GMFB: variants seen among roughly 807,000 people sequenced by gnomAD.
The protein encoded by GMFB is glia maturation factor beta, also known as GMF-beta.
A neutral mutation model predicts 25.6 loss-of-function variants in GMFB; 13 were observed. The observed-to-expected ratio is 0.51, with a 90% CI of 0.33 to 0.81. The LOEUF is 0.81. GMFB is among the 30% of genes least tolerant of loss of function. The pLI is 0.02. For synonymous variants in GMFB, 57 were observed against 56.9 expected (o/e 1.00, Z 0.00); for missense variants, 146 against 175.4 (o/e 0.83, Z 0.95).
At chr14:54,488,458 C>T (rs1433675699) in intron 1 of GMFB, 2 of 160,252 alleles carry the variant, frequency 1.2e-5, no homozygotes, top group South Asian at 2.0e-4. Flanking sequence ...CGAGAGAATT[C>T]AATCGGAATT....
chr14:54,488,929 T>C lies in GMFB; in HGVS notation c.-2A>G. 1 of 1,562,078 alleles carries C rather than the reference T, an allele frequency of 6.4e-7. No homozygotes were observed. The highest frequency in any genetic ancestry group is 1.2e-5 in the South Asian group (1 of 85,714). ...GCCCTCCCAGCGGCAACTCACCATT[T>C]TCCTTCCGGCCGTCAGCGGCCTGTC... On this transcript the variant is annotated 5_prime_UTR_variant, in exon 1 of 7. Transcript: ENST00000358056.
chr14:54,488,958 T>C lies in GMFB; in HGVS notation c.-31A>G. 1 of 1,556,560 alleles carries C rather than the reference T, an allele frequency of 6.4e-7. No individual in the cohort carries two copies. Among genetic ancestry groups the C allele is most frequent in the Non-Finnish European group, 8.7e-7 (1 of 1,153,876 alleles). On this transcript the variant is annotated 5_prime_UTR_variant, in exon 1 of 7. Transcript: ENST00000358056. ...TTCCGGCCGTCAGCGGCCTGTCGCC[T>C]ACACTCGGGCGCCTTTAAGAATGGC...
intron 5 of GMFB, 174 bp from the exon 6 acceptor site, chr14:54,480,033 CAGTT>C: frequency 9.9e-6 from 5 of 503,882 alleles, no homozygotes; most frequent in Middle Eastern, 5.2e-4. Context: ...CAGAAAGAGA[CAGTT>C]AAGTTATAAA....
At chr14:54,481,353 A>C in intron 4 of GMFB, 56 bp downstream of exon 4, 1 of 1,147,532 alleles carries the variant, frequency 8.7e-7, no homozygotes, top group Non-Finnish European at 1.3e-6. Flanking sequence ...ATGAGCTCAC[A>C]AACAGGTCTG....
intron 6 of GMFB, 51 bp downstream of exon 6, chr14:54,479,735 T>G (rs1017025724): frequency 9.4e-7 from 1 of 1,067,206 alleles, no homozygotes; most frequent in Non-Finnish European, 1.5e-6. Context: ...TATTGCTTTA[T>G]AGTCTAAAGG....
chr14:54,485,766 T>C (rs1368241698), intron 1 of GMFB, among the ~76,000 whole-genome samples: 3 of 151,894 alleles, frequency 2.0e-5, no homozygotes, highest in African/African-American at 7.3e-5. Context: ...AAAACAATAG[T>C]TACCAAAACA....
In GMFB at chr14:54,478,529, G is replaced by A. The variant is rs566012983; in HGVS notation, c.358-370C>T. The A allele has an allele frequency of 1.4e-3, 225 of 155,222 alleles. 1 individual carries two copies. The highest frequency in any genetic ancestry group is 6.6e-3 in the Middle Eastern group (2 of 304). The allele number at this position is 155,222 out of a possible 1,614,324, so 9.6% of individuals were successfully genotyped here. A position where few individuals can be genotyped will look rare whatever the true frequency, so the allele number is the denominator to read the frequency against. Reference sequence around the variant, plus strand: ...AGTAAACACAACTAAAATCAATCTAGTTAGGAACTGAGGAACATACGCTGG... The same window carrying A: ...AGTAAACACAACTAAAATCAATCTAATTAGGAACTGAGGAACATACGCTGG... On this transcript the variant is annotated intron_variant, in intron 6 of 6. Coordinates refer to ENST00000358056, the MANE Select transcript of GMFB (RefSeq NM_004124.3).
chr14:54,484,048 A>G, intron 1 of GMFB: 1 of 510,912 alleles, frequency 2.0e-6, no homozygotes, highest in Non-Finnish European at 3.7e-6. Flanking sequence ...AATAATGTGC[A>G]ATGTCATCAG....
Position 54,475,964 on chromosome 14 carries a change from T to C in GMFB, c.*2124A>G, listed in dbSNP as rs2031633900. On this transcript the variant is annotated 3_prime_UTR_variant, in exon 7 of 7. Transcript: ENST00000358056. The stretch of plus-strand genomic sequence containing the variant: ...TACTTGAAAAGAACAATGCAAAATT[T>C]AGTAAGATGAAAGGGAAATCTATAT... 1 of 152,090 alleles carries C rather than the reference T, an allele frequency of 6.6e-6. No homozygotes were observed. Among genetic ancestry groups the C allele is most frequent in the African/African-American group, 2.4e-5 (1 of 41,450 alleles). 9.4% of individuals were successfully genotyped at this position (152,090 alleles called of 1,614,324 possible).
chr14:54,481,383 C>A (rs781479468), intron 4 of GMFB, 26 bp downstream of exon 4: 2 of 1,506,308 alleles, frequency 1.3e-6, no homozygotes, highest in Admixed American at 3.3e-5. Context: ...GAAAATAAAT[C>A]TTTTAAAGCA....
rs1238407015 is a variant in GMFB, at chr14:54,477,120, T to C, written c.*968A>G. ...CTCTCGACTGCCATATATTCACCAA[T>C]GCAAGCAGATAGTTGGAATTTTTAA... is the stretch of plus-strand genomic sequence containing the variant. On this transcript the variant is annotated 3_prime_UTR_variant, in exon 7 of 7. Coordinates refer to ENST00000358056, the MANE Select transcript of GMFB (RefSeq NM_004124.3). The C allele has an allele frequency of 6.6e-6, 1 of 152,384 alleles. No individual in the cohort carries two copies. Among genetic ancestry groups the C allele is most frequent in the African/African-American group, 2.4e-5 (1 of 41,440 alleles). The allele number at this position is 152,384 out of a possible 1,614,324, so 9.4% of individuals were successfully genotyped here.
intron 1 of GMFB, among the ~76,000 whole-genome samples, chr14:54,487,728 A>T: frequency 6.6e-6 from 1 of 152,176 alleles, no homozygotes; most frequent in Non-Finnish European, 1.5e-5. Flanking sequence ...AAAAAAAAGT[A>T]CATACAGATC....
In GMFB at chr14:54,477,929, T is replaced by C. The variant is rs375796629; in HGVS notation, c.*159A>G. 10 of 471,132 alleles carry C rather than the reference T, an allele frequency of 2.1e-5. No individual in the cohort carries two copies. Among genetic ancestry groups the C allele is most frequent in the Middle Eastern group, 5.6e-4 (1 of 1,788 alleles). 29.2% of individuals were successfully genotyped at this position (471,132 alleles called of 1,614,324 possible). A position where few individuals can be genotyped will look rare whatever the true frequency, so the allele number is the denominator to read the frequency against. ...AAAGTTTCATTACTATGAAGATGATTTCCTCTTTGTTCAAATTTTGCACAA... is the reference window on the plus strand; with the variant it reads ...AAAGTTTCATTACTATGAAGATGATCTCCTCTTTGTTCAAATTTTGCACAA... On this transcript the variant is annotated 3_prime_UTR_variant, in exon 7 of 7. Transcript: ENST00000358056.
intron 1 of GMFB, among the ~76,000 whole-genome samples, chr14:54,487,709 GACTCAA>G (rs2031806933): frequency 6.6e-6 from 1 of 152,072 alleles, no homozygotes; most frequent in Non-Finnish European, 1.5e-5. Context: ...GTGAAACTCC[GACTCAA>G]AGAAAAAAAA....
intron 1 of GMFB, 115 bp downstream of exon 1, chr14:54,488,810 G>C: frequency 4.0e-6 from 3 of 757,706 alleles, no homozygotes; most frequent in Non-Finnish European, 6.0e-6. Flanking sequence ...GGGAGCGGAA[G>C]CGGCCGCCGA....
chr14:54,482,547 C>G (rs1298899349), intron 2 of GMFB, among the ~76,000 whole-genome samples: 2 of 152,124 alleles, frequency 1.3e-5, no homozygotes, highest in African/African-American at 4.8e-5. Context: ...ACTGATTGGT[C>G]TATATGCAAC....
At chr14:54,483,614 A>G in intron 2 of GMFB, 57 bp downstream of exon 2, 1 of 876,368 alleles carries the variant, frequency 1.1e-6, no homozygotes, top group Non-Finnish European at 1.9e-6. Context: ...CAATGTAGCT[A>G]CAAGATTAAA....
intron 6 of GMFB, chr14:54,479,539 T>C (rs1172235262): frequency 2.5e-6 from 1 of 401,862 alleles, no homozygotes; most frequent in Admixed American, 4.2e-5. Context: ...ATAGTTACAG[T>C]GGCTTTCTAA....
intron 1 of GMFB, among the ~76,000 whole-genome samples, chr14:54,487,134 G>A (rs1190115857): frequency 6.6e-6 from 1 of 152,182 alleles, no homozygotes; most frequent in African/African-American, 2.4e-5. Context: ...GGTAGCTCAC[G>A]TCTGTAATCT....
Sources: gnomAD v4.1 joint callset for allele counts (sites outside exome capture counted in the v4.1 genomes callset) on GRCh38, gnomAD v4.1.1 for gene constraint, MANE v1.5 for transcripts, NCBI Gene and HGNC (gene_info 2026-07-23, HGNC 2026-07-21) for gene names.